A2ML1: variants seen among roughly 807,000 people sequenced by gnomAD.
The protein encoded by A2ML1 is alpha-2-macroglobulin-like protein 1.
A2ML1 carries 161 observed loss-of-function variants against 181.9 expected under a neutral mutation model. The ratio of observed to expected loss-of-function variants is 0.89; its 90% CI spans 0.78 to 1.01. A2ML1 has a LOEUF of 1.01. Ranked by LOEUF, A2ML1 falls within the 50% of genes least tolerant of loss-of-function variation. The pLI is 0.00. For synonymous variants in A2ML1, 663 were observed against 666.8 expected, an observed-to-expected ratio of 0.99 and a Z score of 0.09; for missense variants, 1,670 against 1,768.1, an observed-to-expected ratio of 0.94 and a Z score of 1.00.
At chr12:8,875,927 TTAA>T (rs1263061193) in intron 35 of A2ML1, 128 bp from the exon 36 acceptor site, 11 of 152,332 alleles carry the variant, frequency 7.2e-5, no homozygotes, top group African/African-American at 2.2e-4. Flanking sequence ...GATAACACTA[TTAA>T]TAATCCAACT....
intron 28 of A2ML1, among the ~76,000 whole-genome samples, chr12:8,862,789 T>C (rs1944310586): frequency 9.1e-6 from 1 of 109,878 alleles, no homozygotes; most frequent in Non-Finnish European, 1.9e-5. Context: ...ATGATCTCTT[T>C]TCCATTATCT....
Position 8,840,072 on chromosome 12 carries a change from A to T in A2ML1, c.1080+850A>T, listed in dbSNP as rs925624611. On this transcript the variant is annotated intron_variant, in intron 10 of 35. Transcript: ENST00000299698. ...AGCAATTTTCTTTAGAGATTTTAAAATTTCCGGCAGGGCGTGGTGGCTCAC... is the reference window on the plus strand; with the variant it reads ...AGCAATTTTCTTTAGAGATTTTAAATTTTCCGGCAGGGCGTGGTGGCTCAC... Among the ~76,000 whole-genome samples the T allele has an allele frequency of 5.9e-5, 9 of 152,074 alleles. No individual in the cohort carries two copies. The East Asian group carries it at 1.4e-3, about 23-fold the overall frequency.
At position 8,876,051 on chromosome 12, in the gene A2ML1, T is replaced by G. The variant is rs1944791378; in HGVS notation, c.*2-7T>G. ...TTCTATTTTTTGTTTGATTGTTCGC[T>G]TTTCAGGATAGGAGCTGGAAACTCA... On this transcript the variant is annotated splice_polypyrimidine_tract_variant and splice_region_variant and intron_variant, in intron 35 of 35. Transcript: ENST00000299698. 1.3e-5 allele frequency: 2 copies of G among 150,622 alleles called. No homozygotes were observed. Among genetic ancestry groups the G allele is most frequent in the Non-Finnish European group, 3.0e-5 (2 of 67,754 alleles). The allele number at this position is 150,622 out of a possible 1,614,324, so 9.3% of individuals were successfully genotyped here. A position where few individuals can be genotyped will look rare whatever the true frequency, so the allele number is the denominator to read the frequency against.
chr12:8,861,818 G>A (rs1227514410), intron 28 of A2ML1, among the ~76,000 whole-genome samples: 2 of 151,258 alleles, frequency 1.3e-5, no homozygotes, highest in Non-Finnish European at 2.9e-5. Context: ...GGAGTGCAAT[G>A]GCGTGATCTC....
chr12:8,843,641 A>C (rs935975855), intron 12 of A2ML1, among the ~76,000 whole-genome samples: 1 of 151,902 alleles, frequency 6.6e-6, no homozygotes, highest in African/African-American at 2.4e-5. Context: ...TGTCTTTGAA[A>C]CTCAGTATGT....
At position 8,829,727 on chromosome 12, in the gene A2ML1, T is replaced by G. The variant is rs746295330; in HGVS notation, c.410T>G (p.Val137Gly). The stretch of plus-strand genomic sequence containing the variant: ...GCTAATGATGCCTGTTCCTTTCCAG[T>G]GTATTTCCGCATTGTCACCATGGAT... ...DKPLYTPGQQ[V>G]YFRIVTMDSN... The change falls in exon 4 of 36, where the codon GTG becomes GGG. Residue 137 changes from valine to glycine, a missense_variant and splice_region_variant. Transcript: ENST00000299698. The G allele has an allele frequency of 6.2e-7, 1 of 1,611,690 alleles. No individual in the cohort carries two copies. The highest frequency in any genetic ancestry group is 8.5e-7 in the Non-Finnish European group (1 of 1,179,224).
intron 21 of A2ML1, 41 bp from the exon 22 acceptor site, chr12:8,854,739 T>C (rs1015393748): frequency 6.2e-7 from 1 of 1,611,790 alleles, no homozygotes; most frequent in Non-Finnish European, 8.5e-7. Context: ...CCTCCTGATG[T>C]TCATCTTTGT....
chr12:8,887,446 C>T (rs1316314477), downstream of A2ML1, among the ~76,000 whole-genome samples: 7 of 152,306 alleles, frequency 4.6e-5, no homozygotes, highest in South Asian at 4.1e-4. Context: ...AAGCATGAGT[C>T]GCAAGACATG....
intron 4 of A2ML1, among the ~76,000 whole-genome samples, chr12:8,831,700 A>ACT (rs1943117267): frequency 6.6e-6 from 1 of 151,980 alleles, no homozygotes; most frequent in South Asian, 2.1e-4. Flanking sequence ...TTTTACTGTT[A>ACT]CTCAAATCAG....
At chr12:8,884,166 C>G (rs1174780136) in intron 7 of A2ML1, among the ~76,000 whole-genome samples, 1 of 150,768 alleles carries the variant, frequency 6.6e-6, no homozygotes, top group Non-Finnish European at 1.5e-5. Context: ...GAAAAAGGAT[C>G]TGTTCAAGGC....
At position 8,829,927 on chromosome 12, in the gene A2ML1, G is replaced by C. The variant is rs1943056589; in HGVS notation, c.462+148G>C. On this transcript the variant is annotated intron_variant, in intron 4 of 35. Transcript: ENST00000299698. ...CTGTGTGCGTGGGACTGGAAGTGCT[G>C]GGCGAGCTTCAGGGAGCTAGCCTAA... The C allele has an allele frequency of 3.3e-6, 3 of 897,396 alleles. No individual in the cohort carries two copies. The South Asian group carries it at 5.0e-5, about 15-fold the overall frequency. The allele number at this position is 897,396 out of a possible 1,614,324, so 55.6% of individuals were successfully genotyped here.
intron 7 of A2ML1, 25 bp downstream of exon 7, chr12:8,836,364 G>A (rs377719401): frequency 5.0e-6 from 8 of 1,595,464 alleles, no homozygotes; most frequent in Non-Finnish European, 6.0e-6. Context: ...TTGGGATCTG[G>A]TGGAGATTAA....
intron 15 of A2ML1, among the ~76,000 whole-genome samples, chr12:8,847,906 G>A (rs767622142): frequency 1.8e-4 from 27 of 152,080 alleles, no homozygotes; most frequent in Admixed American, 3.9e-4. Context: ...TTGTGAGGCC[G>A]AGGCTGGCAG....
chr12:8,859,302 A>AT (rs1227446937), intron 26 of A2ML1, among the ~76,000 whole-genome samples: 7 of 152,090 alleles, frequency 4.6e-5, no homozygotes, highest in Non-Finnish European at 7.4e-5. Context: ...TTAAAAAAAA[A>AT]ATCTATTTAT....
At chr12:8,838,474 A>C in intron 9 of A2ML1, 24 bp downstream of exon 9, 2 of 1,583,630 alleles carry the variant, frequency 1.3e-6, no homozygotes, top group Non-Finnish European at 1.7e-6. Context: ...TCCTTGGCTC[A>C]TTAAGAAAAG....
chr12:8,872,935 C>G (rs184554274), intron 33 of A2ML1, among the ~76,000 whole-genome samples: 14 of 152,202 alleles, frequency 9.2e-5, no homozygotes, highest in African/African-American at 3.1e-4. Context: ...CAAACCGTTG[C>G]AATATTACAC....
downstream of A2ML1, among the ~76,000 whole-genome samples, chr12:8,880,844 A>G (rs1014741375): frequency 6.6e-6 from 1 of 152,160 alleles, no homozygotes; most frequent in African/African-American, 2.4e-5. Flanking sequence ...CAGCAAACAA[A>G]AGAGTCATAC....
At chr12:8,842,160 C>G (rs189082231) in intron 11 of A2ML1, among the ~76,000 whole-genome samples, 7 of 152,212 alleles carry the variant, frequency 4.6e-5, no homozygotes, top group Admixed American at 1.3e-4. Flanking sequence ...TGATGAGGTG[C>G]AAGTGCAAAA....
intron 10 of A2ML1, among the ~76,000 whole-genome samples, chr12:8,841,021 A>AGGAAGGACGGAT: frequency 8.1e-6 from 1 of 122,960 alleles, no homozygotes; most frequent in African/African-American, 3.0e-5. Context: ...GACGGAAGGA[A>AGGAAGGACGGAT]GGAAGGAAGG....
Sources: allele counts gnomAD v4.1 joint callset (sites outside exome capture counted in the v4.1 genomes callset), GRCh38; gene constraint gnomAD v4.1.1; transcripts MANE v1.5; gene names NCBI Gene and HGNC (gene_info 2026-07-23, HGNC 2026-07-21).